The following SUGCT variants were observed in gnomAD, a reference collection of about 807,000 sequenced individuals.
SUGCT encodes succinyl-CoA:glutarate-CoA transferase, also known as succinyl-CoA:glutarate CoA-transferase.
In SUGCT, 41 loss-of-function variants were observed where a neutral mutation model predicts 55.0. The ratio of observed to expected loss-of-function variants is 0.74; its 90% CI spans 0.58 to 0.97. The LOEUF is 0.97. Among genes scored for constraint, SUGCT ranks in the 50% least tolerant of loss-of-function variants. The probability of loss-of-function intolerance (pLI) is 0.00; values close to 1 mark genes in which losing one functional copy is unlikely to be tolerated. For missense variants in SUGCT, 568 were observed against 547.8 expected (o/e 1.04, Z -0.37); for synonymous variants, 187 against 200.4 (o/e 0.93, Z 0.56).
intron 13 of SUGCT, among the ~76,000 whole-genome samples, chr7:40,809,684 A>T (rs1207918668): frequency 6.6e-6 from 1 of 152,052 alleles, no homozygotes. Context: ...TTATCTGGGT[A>T]TGTTGTGTGA....
At chr7:40,604,366 A>G (rs1798426878) in intron 12 of SUGCT, among the ~76,000 whole-genome samples, 1 of 151,836 alleles carries the variant, frequency 6.6e-6, no homozygotes, top group South Asian at 2.1e-4. Context: ...TGTATTTTTA[A>G]TTTTTTCTTT....
the SUGCT span, among the ~76,000 whole-genome samples, chr7:41,033,007 C>G: frequency 3.1e-4 from 47 of 152,276 alleles, no homozygotes; most frequent in African/African-American, 1.0e-3. Context: ...TGTGATCCAC[C>G]CACCTTGGCC....
At chr7:40,372,678 T>G (rs1462693981) in intron 9 of SUGCT, among the ~76,000 whole-genome samples, 1 of 152,060 alleles carries the variant, frequency 6.6e-6, no homozygotes, top group African/African-American at 2.4e-5. Flanking sequence ...TCTAAAATTA[T>G]GCAGGCAAGT....
chr7:40,531,916 C>T (rs1458963684), intron 12 of SUGCT, among the ~76,000 whole-genome samples: 1 of 152,150 alleles, frequency 6.6e-6, no homozygotes, highest in African/African-American at 2.4e-5. Context: ...CCTCATGATC[C>T]GCCTGCCTCG....
intron 12 of SUGCT, among the ~76,000 whole-genome samples, chr7:40,568,617 A>G (rs1464163708): frequency 1.3e-5 from 2 of 152,228 alleles, no homozygotes; most frequent in Non-Finnish European, 2.9e-5. Flanking sequence ...GAGCATGGCC[A>G]TGAAGCATGG....
chr7:41,029,293 G>A, the SUGCT span, among the ~76,000 whole-genome samples: 3 of 152,280 alleles, frequency 2.0e-5, no homozygotes, highest in Non-Finnish European at 2.9e-5. Context: ...GGCTATATCC[G>A]ATCTTGTCTC....
intron 9 of SUGCT, among the ~76,000 whole-genome samples, chr7:40,402,688 A>G (rs1450142433): frequency 2.0e-5 from 3 of 152,118 alleles, no homozygotes; most frequent in Non-Finnish European, 4.4e-5. Flanking sequence ...ATGTATTTTA[A>G]TAAGAGCTAT....
In SUGCT at chr7:40,237,712, A is replaced by G. The variant is rs1265111765; in HGVS notation, c.562A>G (p.Ile188Val). The G allele has an allele frequency of 2.5e-6, 4 of 1,613,704 alleles. No individual in the cohort carries two copies. The highest frequency in any genetic ancestry group is 3.4e-6 in the Non-Finnish European group (4 of 1,179,626). ...CTCGGCTGTTTCTGGTCTGATGCAC[A>G]TCACAGGGCCTGAGGTAGGTATCCT... ...VASAVSGLMHITGPENGDPVR... is the reference protein window; with the variant it reads ...VASAVSGLMHVTGPENGDPVR... The change falls in exon 7 of 14, where the codon ATC becomes GTC. Residue 188 changes from isoleucine (I) to valine (V), a missense_variant. Physicochemically the swap from Ile to Val is conservative, Grantham distance 29. Transcript: ENST00000335693.
intron 12 of SUGCT, among the ~76,000 whole-genome samples, chr7:40,639,577 C>T (rs1053303843): frequency 2.0e-5 from 3 of 148,750 alleles, no homozygotes; most frequent in African/African-American, 7.5e-5. Flanking sequence ...TGCAGTGGCG[C>T]GATCTTGGCT....
chr7:40,882,174 A>T, the SUGCT span, among the ~76,000 whole-genome samples: 1 of 152,218 alleles, frequency 6.6e-6, no homozygotes, highest in Non-Finnish European at 1.5e-5. Flanking sequence ...CAAATTATGG[A>T]GGAAAAATCC....
chr7:40,245,424 T>TATATATATATATATACA (rs59609393), intron 7 of SUGCT, among the ~76,000 whole-genome samples: 1 of 11,662 alleles, frequency 8.6e-5, no homozygotes, highest in South Asian at 2.9e-3. Context: ...TATATATATA[T>TATATATATATATATACA]TTTTTTTTTT....
chr7:40,307,800 A>T (rs1489480330), intron 8 of SUGCT, among the ~76,000 whole-genome samples: 1 of 101,832 alleles, frequency 9.8e-6, no homozygotes, highest in Admixed American at 9.7e-5. Flanking sequence ...CCTCAACCCT[A>T]GTTATTCTGA....
the SUGCT span, among the ~76,000 whole-genome samples, chr7:40,874,545 T>C: frequency 6.6e-6 from 1 of 152,364 alleles, no homozygotes; most frequent in Admixed American, 6.5e-5. Flanking sequence ...GCTGTTATTA[T>C]CACCCTGTAA....
chr7:40,479,098 G>A (rs1790873795), intron 11 of SUGCT, among the ~76,000 whole-genome samples: 1 of 151,994 alleles, frequency 6.6e-6, no homozygotes, highest in Non-Finnish European at 1.5e-5. Flanking sequence ...ATATGTTTGT[G>A]CACCTTATTT....
chr7:40,340,021 T>G (rs1796959293), intron 9 of SUGCT, among the ~76,000 whole-genome samples: 1 of 152,210 alleles, frequency 6.6e-6, no homozygotes, highest in African/African-American at 2.4e-5. Context: ...GCCTGGGATA[T>G]CAGGAGCTTC....
chr7:40,962,441 T>C, the SUGCT span, among the ~76,000 whole-genome samples: 1 of 152,114 alleles, frequency 6.6e-6, no homozygotes, highest in Admixed American at 6.5e-5. Flanking sequence ...GTGCTTGCTG[T>C]CCTGTTTGCC....
At chr7:40,166,886 CAAAAA>C (rs34209472) in intron 1 of SUGCT, among the ~76,000 whole-genome samples, 5 of 118,742 alleles carry the variant, frequency 4.2e-5, no homozygotes, top group Admixed American at 1.7e-4. Context: ...GACTCCACCT[CAAAAA>C]AAAAAAAAAA....
the SUGCT span, among the ~76,000 whole-genome samples, chr7:40,900,333 G>A: frequency 3.9e-5 from 6 of 152,232 alleles, no homozygotes; most frequent in East Asian, 1.2e-3. Context: ...CTGACTTCCC[G>A]GCAATGTTTC....
chr7:40,867,801 G>T, the SUGCT span, among the ~76,000 whole-genome samples: 1 of 152,172 alleles, frequency 6.6e-6, no homozygotes, highest in East Asian at 1.9e-4. Context: ...CATGTTGTTT[G>T]CTGTCTTAGT....
Sources: gnomAD v4.1 joint callset for allele counts (sites outside exome capture counted in the v4.1 genomes callset) on GRCh38, gnomAD v4.1.1 for gene constraint, MANE v1.5 for transcripts, NCBI Gene and HGNC (gene_info 2026-07-23, HGNC 2026-07-21) for gene names.